OLFML2B: variants seen among roughly 807,000 people sequenced by gnomAD.
OLFML2B encodes olfactomedin like 2B, also known as olfactomedin-like protein 2B.
A neutral mutation model predicts 74.9 loss-of-function variants in OLFML2B; 57 were observed. The ratio of observed to expected loss-of-function variants is 0.76; its 90% CI spans 0.61 to 0.95. The LOEUF (loss-of-function observed/expected upper bound fraction) is 0.95, where lower values mean the gene tolerates loss of function less well. Ranked by LOEUF, OLFML2B falls within the 40% of genes least tolerant of loss-of-function variation. OLFML2B has a pLI of 0.00. For missense variants in OLFML2B, 986 were observed against 970.6 expected, an observed-to-expected ratio of 1.02 and a Z score of -0.21; for synonymous variants, 388 against 405.8, an observed-to-expected ratio of 0.96 and a Z score of 0.53.
intron 3 of OLFML2B, among the ~76,000 whole-genome samples, chr1:162,016,281 C>G (rs1027760265): frequency 1.3e-5 from 2 of 152,192 alleles, no homozygotes. Flanking sequence ...AGGCAGGGTA[C>G]TATTCTCACT....
intron 2 of OLFML2B, among the ~76,000 whole-genome samples, chr1:162,018,632 C>T (rs1690614795): frequency 6.6e-6 from 1 of 152,180 alleles, no homozygotes; most frequent in East Asian, 1.9e-4. Flanking sequence ...TACAGAGGCC[C>T]TGGCAGGAAG....
intron 3 of OLFML2B, among the ~76,000 whole-genome samples, chr1:162,011,428 G>A (rs373142604): frequency 3.9e-5 from 6 of 152,302 alleles, no homozygotes; most frequent in African/African-American, 9.6e-5. Flanking sequence ...AGACAGCTAC[G>A]ACCAGATGGC....
intron 1 of OLFML2B, 131 bp from the exon 2 acceptor site, chr1:162,020,313 G>A: frequency 2.0e-6 from 2 of 1,017,988 alleles, no homozygotes; most frequent in Middle Eastern, 2.3e-4. Context: ...GAACCACAGA[G>A]CCAATAGGTC....
chr1:161,995,846 G>A (rs1299713849), intron 6 of OLFML2B, among the ~76,000 whole-genome samples: 2 of 152,156 alleles, frequency 1.3e-5, no homozygotes, highest in Non-Finnish European at 2.9e-5. Context: ...ACAGGAAGCT[G>A]AAATGGTAGA....
intron 6 of OLFML2B, among the ~76,000 whole-genome samples, chr1:161,992,332 C>A (rs969955034): frequency 6.6e-6 from 1 of 152,216 alleles, no homozygotes; most frequent in South Asian, 2.1e-4. Flanking sequence ...AAGGGAATGT[C>A]GTGGTTGGAC....
At chr1:162,005,924 A>G (rs916244420) in intron 4 of OLFML2B, among the ~76,000 whole-genome samples, 13 of 147,434 alleles carry the variant, frequency 8.8e-5, no homozygotes, top group Non-Finnish European at 1.5e-4. Flanking sequence ...AAAAAAAAAA[A>G]AAAATCATGC....
rs1690040372 is a variant in OLFML2B, at chr1:162,000,141, A to C, written c.921T>G (p.Ser307=). 6.2e-7 allele frequency: 1 copy of C among 1,606,078 alleles called. No homozygotes were observed. Residue 307 remains serine (S), a synonymous_variant, in exon 5 of 8, where the codon TCT becomes TCG. Transcript: ENST00000294794. The part of the protein sequence containing the change: ...RGITYYKAKV[S]EEENDIEEQQ... ...GCTCTTCAATGTCATTCTCTTCTTC[A>C]GAGACCTTGGCTTTATAGTAGGTGA...
chr1:161,994,942 C>T (rs1335211724), intron 6 of OLFML2B, among the ~76,000 whole-genome samples: 5 of 152,184 alleles, frequency 3.3e-5, no homozygotes, highest in Non-Finnish European at 5.9e-5. Flanking sequence ...ATCAAAATTG[C>T]TGGATTCATC....
At chr1:162,015,125 G>A (rs1178658029) in intron 3 of OLFML2B, among the ~76,000 whole-genome samples, 4 of 152,192 alleles carry the variant, frequency 2.6e-5, no homozygotes, top group African/African-American at 4.8e-5. Context: ...CTATACAAAT[G>A]TAAGGGATTA....
chr1:162,002,916 G>A (rs1185674474), intron 4 of OLFML2B, among the ~76,000 whole-genome samples: 1 of 152,220 alleles, frequency 6.6e-6, no homozygotes, highest in Non-Finnish European at 1.5e-5. Flanking sequence ...TTATGGCCAT[G>A]TCCCTTTGTA....
chr1:162,021,880 A>C (rs568758818), intron 1 of OLFML2B, among the ~76,000 whole-genome samples: 3 of 151,984 alleles, frequency 2.0e-5, no homozygotes, highest in Non-Finnish European at 4.4e-5. Flanking sequence ...AGAGATTTTT[A>C]TGTCTTTTCG....
At chr1:161,992,853 A>G (rs1332634718) in intron 6 of OLFML2B, among the ~76,000 whole-genome samples, 1 of 152,250 alleles carries the variant, frequency 6.6e-6, no homozygotes, top group Non-Finnish European at 1.5e-5. Flanking sequence ...ATAAAGAAAA[A>G]GTTTGAGATA....
Position 162,000,296 on chromosome 1 carries a change from T to A in OLFML2B, c.766A>T (p.Ile256Phe), listed in dbSNP as rs1690048641. 1 of 1,613,198 alleles carries A rather than the reference T, an allele frequency of 6.2e-7. No homozygotes were observed. Among genetic ancestry groups the A allele is most frequent in the Non-Finnish European group, 8.5e-7 (1 of 1,180,018 alleles). The part of the protein sequence containing the change: ...FLQEETVSQQ[I>F]NSIELLQTRP... Reference sequence around the variant, plus strand: ...GTCTGCAGAAGTTCGATGGAGTTGATCTGCTGGGACACGGTTTCTTCCTGC... The same window carrying A: ...GTCTGCAGAAGTTCGATGGAGTTGAACTGCTGGGACACGGTTTCTTCCTGC... The change falls in exon 5 of 8, where the codon ATC (isoleucine) becomes TTC (phenylalanine). Residue 256 changes from isoleucine (I) to phenylalanine (F), a missense_variant. Transcript: ENST00000294794.
Position 161,984,999 on chromosome 1 carries a change from A to T in OLFML2B, c.1475-19T>A. The T allele has an allele frequency of 6.3e-7, 1 of 1,596,130 alleles. No homozygotes were observed. The highest frequency in any genetic ancestry group is 8.5e-7 in the Non-Finnish European group (1 of 1,172,566). ...CACCTTCCTGGTGGAGAAGAGGTGG[A>T]TGGAGGTTTTGGGCTGATCTAGTGA... On this transcript the variant is annotated intron_variant, in intron 6 of 7. Coordinates refer to ENST00000294794, the MANE Select transcript of OLFML2B (RefSeq NM_015441.3).
At chr1:162,008,822 G>A (rs140688885) in intron 3 of OLFML2B, among the ~76,000 whole-genome samples, 125 of 152,296 alleles carry the variant, frequency 8.2e-4, no homozygotes, top group African/African-American at 2.8e-3. Flanking sequence ...CTTGAAAAAC[G>A]GACAGAAATG....
At chr1:161,995,924 G>A (rs1689885201) in intron 6 of OLFML2B, among the ~76,000 whole-genome samples, 1 of 152,170 alleles carries the variant, frequency 6.6e-6, no homozygotes, top group East Asian at 1.9e-4. Flanking sequence ...CTCAGGGCCT[G>A]TTCTCAAGAG....
chr1:162,006,393 T>C lies in OLFML2B; in HGVS notation c.627A>G (p.Arg209=), dbSNP rs1690232405. 3 of 1,613,098 alleles carry C rather than the reference T, an allele frequency of 1.9e-6. No individual in the cohort carries two copies. Among genetic ancestry groups the C allele is most frequent in the South Asian group, 2.2e-5 (2 of 90,962 alleles). Residue 209 remains arginine, a synonymous_variant, in exon 4 of 8, where the codon CGA becomes CGG. Transcript: ENST00000294794. The part of the protein sequence containing the change: ...MEEIRTEMNK[R]GKENCSENIL... ...TGTTTTCAGAGCAATTTTCTTTGCC[T>C]CGCTTATTCATCTCGGTTCGAATTT...
intron 1 of OLFML2B, among the ~76,000 whole-genome samples, chr1:162,022,539 G>A (rs542978981): frequency 1.3e-5 from 2 of 152,258 alleles, no homozygotes; most frequent in East Asian, 3.9e-4. Context: ...GTGAGCCACC[G>A]CGCCCGGCCT....
At chr1:162,007,126 G>T (rs141296832) in intron 3 of OLFML2B, among the ~76,000 whole-genome samples, 1 of 152,192 alleles carries the variant, frequency 6.6e-6, no homozygotes, top group Non-Finnish European at 1.5e-5. Context: ...GTTCATACCA[G>T]AGAAGATCAA....
Sources: allele counts gnomAD v4.1 joint callset (sites outside exome capture counted in the v4.1 genomes callset), GRCh38; gene constraint gnomAD v4.1.1; transcripts MANE v1.5; gene names NCBI Gene and HGNC (gene_info 2026-07-23, HGNC 2026-07-21).